The following DYRK1A variants were observed in gnomAD, a reference collection of about 807,000 sequenced individuals.
DYRK1A encodes the protein dual specificity tyrosine-phosphorylation-regulated kinase 1A.
A neutral mutation model predicts 79.7 loss-of-function variants in DYRK1A; 9 were observed. That is an observed-to-expected ratio of 0.11 (90% CI 0.07 to 0.20). DYRK1A has a LOEUF of 0.20. Among genes scored for constraint, DYRK1A ranks in the 10% least tolerant of loss-of-function variants. The pLI, the probability that DYRK1A is intolerant of heterozygous loss-of-function variation, is 1.00. For synonymous variants in DYRK1A, 349 were observed against 329.7 expected (o/e 1.06, Z -0.63); for missense variants, 622 against 956.0 (o/e 0.65, Z 4.61).
At chr21:37,430,311 A>G (rs2050742227) in intron 2 of DYRK1A, 1 of 974,132 alleles carries the variant, frequency 1.0e-6, no homozygotes, top group South Asian at 4.8e-5. Flanking sequence ...CTGGAAGAAC[A>G]TAGTGTATTA....
chr21:37,371,330 GATT>G (rs1401473832), intron 1 of DYRK1A, among the ~76,000 whole-genome samples: 1 of 147,672 alleles, frequency 6.8e-6, no homozygotes, highest in East Asian at 1.9e-4. Context: ...GCCTTAGTTT[GATT>G]ATTATTTTTT....
intron 2 of DYRK1A, among the ~76,000 whole-genome samples, chr21:37,445,130 G>A (rs915027909): frequency 1.3e-5 from 2 of 152,134 alleles, no homozygotes; most frequent in African/African-American, 4.8e-5. Context: ...GCTTCTGATA[G>A]TTTTCTTTAA....
intron 2 of DYRK1A, among the ~76,000 whole-genome samples, chr21:37,438,394 A>T (rs2148470223): frequency 6.6e-6 from 1 of 152,116 alleles, no homozygotes; most frequent in African/African-American, 2.4e-5. Flanking sequence ...CCATGATCAA[A>T]AACGTTTTTG....
intron 1 of DYRK1A, among the ~76,000 whole-genome samples, chr21:37,379,267 T>C (rs531179796): frequency 6.5e-4 from 99 of 152,208 alleles, no homozygotes; most frequent in African/African-American, 2.0e-3. Context: ...CTAGATGTAA[T>C]GTATAGGCAT....
chr21:37,427,202 C>G (rs1294482093), intron 2 of DYRK1A, among the ~76,000 whole-genome samples: 1 of 152,138 alleles, frequency 6.6e-6, no homozygotes, highest in Non-Finnish European at 1.5e-5. Flanking sequence ...GCCTTGAACT[C>G]CTGGGCTAAA....
At chr21:37,393,955 G>T (rs970255138) in intron 1 of DYRK1A, among the ~76,000 whole-genome samples, 7 of 152,152 alleles carry the variant, frequency 4.6e-5, no homozygotes, top group Admixed American at 4.6e-4. Context: ...CCTTGAACTG[G>T]CAGTGTCATC....
chr21:37,521,462 A>T lies in DYRK1A; in HGVS notation c.*8931A>T, dbSNP rs1241556308. The T allele has an allele frequency of 6.6e-6, 1 of 152,258 alleles. No individual in the cohort carries two copies. Among genetic ancestry groups the T allele is most frequent in the East Asian group, 1.9e-4 (1 of 5,206 alleles). 9.4% of individuals were successfully genotyped at this position (152,258 alleles called of 1,614,324 possible). On this transcript the variant is annotated 3_prime_UTR_variant, in exon 12 of 12. Coordinates refer to ENST00000647188, the MANE Select transcript of DYRK1A (RefSeq NM_001347721.2). ...TATATAAGAGAAATCAACAAATATT[A>T]ATTGAACACCAGTCATGTGCAAAGC... is the stretch of plus-strand genomic sequence containing the variant.
chr21:37,366,703 G>C (rs1206710958), upstream of DYRK1A, among the ~76,000 whole-genome samples: 1 of 151,968 alleles, frequency 6.6e-6, no homozygotes, highest in African/African-American at 2.4e-5. Context: ...CCGGCTCGGG[G>C]CTGGGGGGCG....
At chr21:37,422,970 C>G in intron 2 of DYRK1A, among the ~76,000 whole-genome samples, 1 of 152,024 alleles carries the variant, frequency 6.6e-6, no homozygotes, top group South Asian at 2.1e-4. Flanking sequence ...TTTGGATTTT[C>G]TTTTGATTTT....
chr21:37,366,696 G>A (rs780027284), upstream of DYRK1A, among the ~76,000 whole-genome samples: 3 of 151,956 alleles, frequency 2.0e-5, no homozygotes, highest in African/African-American at 7.2e-5. Flanking sequence ...CCGCCCGCCG[G>A]CTCGGGGCTG....
intron 1 of DYRK1A, among the ~76,000 whole-genome samples, chr21:37,415,275 G>A (rs62222274): frequency 0.089 from 13,502 of 152,154 alleles, 748 homozygotes; most frequent in Non-Finnish European, 0.12. Context: ...GCATGAGAAA[G>A]CACATGCTTC....
At chr21:37,453,604 G>A (rs2051532553) in intron 2 of DYRK1A, among the ~76,000 whole-genome samples, 1 of 152,180 alleles carries the variant, frequency 6.6e-6, no homozygotes, top group South Asian at 2.1e-4. Flanking sequence ...GTAGATGGGA[G>A]GAGAGATGCC....
At chr21:37,486,440 TAG>T (rs753663706) in intron 5 of DYRK1A, 25 bp from the exon 6 acceptor site, 5 of 1,405,832 alleles carry the variant, frequency 3.6e-6, no homozygotes, top group Middle Eastern at 2.0e-4. Context: ...ATTAATGAAA[TAG>T]AGAATTATTC....
At position 37,518,538 on chromosome 21, in the gene DYRK1A, A is replaced by G. The variant is rs1040711398; in HGVS notation, c.*6007A>G. On this transcript the variant is annotated 3_prime_UTR_variant, in exon 12 of 12. Transcript: ENST00000647188. ...TCTGTTTTCTGAAACTTTGCGGGCC[A>G]TTCTGAACCTGCAGCCAGGCAGGAC... 2.0e-5 allele frequency: 3 copies of G among 151,384 alleles called. No homozygotes were observed. Among genetic ancestry groups the G allele is most frequent in the African/African-American group, 7.3e-5 (3 of 41,094 alleles). 9.4% of individuals were successfully genotyped at this position (151,384 alleles called of 1,614,324 possible). A position where few individuals can be genotyped will look rare whatever the true frequency, so the allele number is the denominator to read the frequency against.
At position 37,512,703 on chromosome 21, in the gene DYRK1A, A is replaced by C. The variant is rs1463161302; in HGVS notation, c.*172A>C. 1.4e-6 allele frequency: 1 copy of C among 726,992 alleles called. No homozygotes were observed. The highest frequency in any genetic ancestry group is 2.2e-6 in the Non-Finnish European group (1 of 454,144). The allele number at this position is 726,992 out of a possible 1,614,324, so 45.0% of individuals were successfully genotyped here. A position where few individuals can be genotyped will look rare whatever the true frequency, so the allele number is the denominator to read the frequency against. ...TGAAAAGATTGCAAAGGGACATTGA[A>C]GTGTTTAAAAGAGCCATGTCCAAAC... On this transcript the variant is annotated 3_prime_UTR_variant, in exon 12 of 12. Transcript: ENST00000647188.
intron 1 of DYRK1A, among the ~76,000 whole-genome samples, chr21:37,394,452 A>T (rs1334696766): frequency 6.6e-6 from 1 of 152,180 alleles, no homozygotes; most frequent in Admixed American, 6.5e-5. Context: ...AGAAAGTAGA[A>T]CAATGAATAC....
chr21:37,477,202 G>A (rs1471255517), intron 3 of DYRK1A, among the ~76,000 whole-genome samples: 3 of 152,128 alleles, frequency 2.0e-5, no homozygotes, highest in Non-Finnish European at 4.4e-5. Flanking sequence ...CGATTGACCC[G>A]AGTGTCCTTG....
intron 2 of DYRK1A, among the ~76,000 whole-genome samples, chr21:37,457,041 T>TTACTTACTTAGTTAC (rs1569339620): frequency 6.4e-5 from 3 of 46,972 alleles, no homozygotes; most frequent in Non-Finnish European, 1.5e-4. Context: ...TACTTACTTA[T>TTACTTACTTAGTTAC]TTATTTATTT....
At chr21:37,506,476 T>A in intron 11 of DYRK1A, 1 of 1,131,988 alleles carries the variant, frequency 8.8e-7, no homozygotes, top group Non-Finnish European at 1.2e-6. Flanking sequence ...TGTGTTTATC[T>A]CATTTACCAA....
Sources: gnomAD v4.1 joint callset for allele counts (sites outside exome capture counted in the v4.1 genomes callset) on GRCh38, gnomAD v4.1.1 for gene constraint, MANE v1.5 for transcripts, NCBI Gene and HGNC (gene_info 2026-07-23, HGNC 2026-07-21) for gene names.